The following ARHGEF9 variants were observed in gnomAD, a reference collection of about 807,000 sequenced individuals.
The protein encoded by ARHGEF9 is Cdc42 guanine nucleotide exchange factor 9.
Under a neutral mutation model 41.3 loss-of-function variants are expected in ARHGEF9, and 2 were observed. The ratio of observed to expected loss-of-function variants is 0.05; its 90% CI spans 0.02 to 0.15. The LOEUF is 0.15. Among genes scored for constraint, ARHGEF9 ranks in the 10% least tolerant of loss-of-function variants. The probability of loss-of-function intolerance (pLI) is 1.00; values close to 1 mark genes in which losing one functional copy is unlikely to be tolerated. For synonymous variants in ARHGEF9, 160 were observed against 154.4 expected, an observed-to-expected ratio of 1.04 and a Z score of -0.27; for missense variants, 225 against 424.7, an observed-to-expected ratio of 0.53 and a Z score of 4.13.
chrX:63,784,858 GC>G (rs2056436737), intron 1 of ARHGEF9, among the ~76,000 whole-genome samples: 1 of 111,353 alleles, frequency 9.0e-6, no homozygotes, highest in Non-Finnish European at 1.9e-5. Context: ...ACATAATCTG[GC>G]CCCCACCCCT....
At chrX:63,707,795 C>T (rs1312516009) in intron 2 of ARHGEF9, among the ~76,000 whole-genome samples, 20 of 111,227 alleles carry the variant, frequency 1.8e-4, no homozygotes, top group Non-Finnish European at 3.2e-4. Flanking sequence ...TAGTTACTTC[C>T]CAACTCTGTA....
intron 2 of ARHGEF9, among the ~76,000 whole-genome samples, chrX:63,710,958 A>G (rs782614940): frequency 2.7e-5 from 3 of 111,941 alleles, no homozygotes; most frequent in Non-Finnish European, 5.7e-5. Flanking sequence ...AAAACCTTTT[A>G]TAATGAATAA....
intron 1 of ARHGEF9, among the ~76,000 whole-genome samples, chrX:63,741,793 C>A: frequency 8.9e-6 from 1 of 112,490 alleles, no homozygotes; most frequent in Non-Finnish European, 1.9e-5. Flanking sequence ...TGAGAATGTG[C>A]AAGTGTGAAT....
At position 63,655,498 on chromosome X, in the gene ARHGEF9, T is replaced by G; in HGVS notation, c.1317A>C (p.Lys439Asn). 1 of 1,211,038 alleles carries G rather than the reference T, an allele frequency of 8.3e-7. No individual in the cohort carries two copies. Among genetic ancestry groups the G allele is most frequent in the Non-Finnish European group, 1.1e-6 (1 of 895,085 alleles). Residue 439 changes from lysine to asparagine, a missense_variant, in exon 8 of 10, where the codon AAA (lysine) becomes AAC (asparagine). This residue lies in a region of ARHGEF9 where 75 missense variants were observed against 113.2 expected (regional missense o/e 0.66). Transcript: ENST00000671741. ...TTCTACTCTCAGGTCACTTACCAAT[T>G]TTTTCATCTTCCTGTACCATTTTCC... ...EERKMVQEDE[K>N]IGFEISENQK...
chrX:63,723,778 T>C (rs2147619426), intron 2 of ARHGEF9, among the ~76,000 whole-genome samples: 1 of 111,977 alleles, frequency 8.9e-6, no homozygotes, highest in South Asian at 3.7e-4. Context: ...TGGGATCACT[T>C]CCTTTACAGT....
At position 63,637,122 on chromosome X, in the gene ARHGEF9, A is replaced by G. The variant is rs782766175; in HGVS notation, c.*906T>C. On this transcript the variant is annotated 3_prime_UTR_variant, in exon 10 of 10. Coordinates refer to ENST00000671741, the MANE Select transcript of ARHGEF9 (RefSeq NM_001353921.2). ...AACAAAAGTGACTTGAAAAAAGAGAATAACTCGATCAAACTAACTCCTAGA... is the reference window on the plus strand; with the variant it reads ...AACAAAAGTGACTTGAAAAAAGAGAGTAACTCGATCAAACTAACTCCTAGA... 2 of 297,375 alleles carry G rather than the reference A, an allele frequency of 6.7e-6. No individual in the cohort carries two copies. Among genetic ancestry groups the G allele is most frequent in the Non-Finnish European group, 1.2e-5 (2 of 170,298 alleles). 24.5% of individuals were successfully genotyped at this position (297,375 alleles called of 1,213,427 possible).
chrX:63,737,559 A>C (rs1289994579), intron 1 of ARHGEF9, among the ~76,000 whole-genome samples: 2 of 112,472 alleles, frequency 1.8e-5, no homozygotes, highest in African/African-American at 6.5e-5. Context: ...TCAAAATACA[A>C]CACCAGTACA....
chrX:63,776,709 G>A (rs1232465453), intron 1 of ARHGEF9, among the ~76,000 whole-genome samples: 1 of 111,393 alleles, frequency 9.0e-6, no homozygotes, highest in East Asian at 2.8e-4. Context: ...GTGCTGACAT[G>A]TAAATTCTAG....
chrX:63,646,032 G>C (rs2048031849), intron 8 of ARHGEF9, among the ~76,000 whole-genome samples: 1 of 111,865 alleles, frequency 8.9e-6, no homozygotes, highest in Non-Finnish European at 1.9e-5. Context: ...GTCTTCTTTT[G>C]AGAAGTGTCT....
chrX:63,691,865 C>A (rs1463163036), intron 4 of ARHGEF9, among the ~76,000 whole-genome samples: 1 of 111,186 alleles, frequency 9.0e-6, no homozygotes. Flanking sequence ...GACACATAGA[C>A]CAATTGAACA....
chrX:63,740,468 T>C (rs1280057895), intron 1 of ARHGEF9, among the ~76,000 whole-genome samples: 4 of 112,223 alleles, frequency 3.6e-5, no homozygotes, highest in African/African-American at 1.3e-4. Flanking sequence ...TTCTCAACTC[T>C]TAGCCTAGCT....
chrX:63,780,224 AT>A (rs781916315), intron 1 of ARHGEF9, among the ~76,000 whole-genome samples: 2,266 of 110,614 alleles, frequency 0.02, 57 homozygotes, highest in African/African-American at 0.069. Context: ...CTGTCTCCTG[AT>A]TTTTTTTTAT....
intron 1 of ARHGEF9, among the ~76,000 whole-genome samples, chrX:63,767,572 G>T (rs2056132426): frequency 8.9e-6 from 1 of 111,986 alleles, no homozygotes; most frequent in Admixed American, 9.4e-5. Flanking sequence ...TTGAGACAAA[G>T]GTTAATAAAG....
intron 5 of ARHGEF9, among the ~76,000 whole-genome samples, chrX:63,674,968 T>C (rs1460001575): frequency 9.0e-6 from 1 of 111,694 alleles, no homozygotes; most frequent in Non-Finnish European, 1.9e-5. Context: ...TTCTGAGAAA[T>C]CACCTTTAAG....
At chrX:63,682,475 A>G in intron 4 of ARHGEF9, among the ~76,000 whole-genome samples, 1 of 109,608 alleles carries the variant, frequency 9.1e-6, no homozygotes, top group Admixed American at 9.7e-5. Context: ...ACATTGCGCC[A>G]CTGCACTCCA....
At chrX:63,741,646 T>A (rs782551542) in intron 1 of ARHGEF9, among the ~76,000 whole-genome samples, 2 of 112,690 alleles carry the variant, frequency 1.8e-5, no homozygotes, top group South Asian at 7.3e-4. Flanking sequence ...TAACAGTATA[T>A]CTGAGAGTGC....
intron 1 of ARHGEF9, among the ~76,000 whole-genome samples, chrX:63,771,394 G>C (rs782728315): frequency 2.3e-4 from 26 of 111,929 alleles, no homozygotes; most frequent in Non-Finnish European, 4.1e-4. Context: ...GGAAAGGCAT[G>C]ATGGTCAATT....
chrX:63,745,656 T>A (rs1232875387), intron 1 of ARHGEF9, among the ~76,000 whole-genome samples: 1 of 111,311 alleles, frequency 9.0e-6, no homozygotes, highest in Non-Finnish European at 1.9e-5. Flanking sequence ...TTTTCTCACT[T>A]GTAAAAAAAG....
At chrX:63,656,474 T>C (rs1301596020) in intron 7 of ARHGEF9, 1 of 111,579 alleles carries the variant, frequency 9.0e-6, no homozygotes, top group Non-Finnish European at 1.9e-5. Context: ...GGTCCATGCA[T>C]GGCATTTTTA....
Sources: allele counts gnomAD v4.1 joint callset (sites outside exome capture counted in the v4.1 genomes callset), GRCh38; gene constraint gnomAD v4.1.1; regional missense constraint gnomAD v4.1.1; transcripts MANE v1.5; gene names NCBI Gene and HGNC (gene_info 2026-07-23, HGNC 2026-07-21).